The following SRBD1 variants were observed in gnomAD, a reference collection of about 807,000 sequenced individuals.
The protein encoded by SRBD1 is S1 RNA binding domain 1.
Under a neutral mutation model 115.3 loss-of-function variants are expected in SRBD1, and 88 were observed. The observed-to-expected ratio is 0.76, with a 90% CI of 0.64 to 0.91. SRBD1 has a LOEUF of 0.91. SRBD1 is among the 40% of genes least tolerant of loss of function. SRBD1 has a pLI of 0.00. For synonymous variants in SRBD1, 509 were observed against 407.7 expected, an observed-to-expected ratio of 1.25 and a Z score of -2.99; for missense variants, 1,385 against 1,177.4, an observed-to-expected ratio of 1.18 and a Z score of -2.58.
chr2:45,475,225 T>C (rs1165564371), intron 16 of SRBD1, among the ~76,000 whole-genome samples: 1 of 152,170 alleles, frequency 6.6e-6, no homozygotes, highest in East Asian at 1.9e-4. Context: ...CCCTCACTTA[T>C]CACCACACAA....
At chr2:45,602,352 T>G (rs956865275) in intron 2 of SRBD1, among the ~76,000 whole-genome samples, 5 of 152,306 alleles carry the variant, frequency 3.3e-5, no homozygotes, top group Middle Eastern at 3.4e-3. Context: ...ATACACACAT[T>G]CATTCAAGAC....
intron 14 of SRBD1, among the ~76,000 whole-genome samples, chr2:45,504,113 T>C (rs73927512): frequency 0.082 from 12,425 of 152,234 alleles, 723 homozygotes; most frequent in African/African-American, 0.15. Context: ...TTAGTCCTCA[T>C]TGCCTTCTAA....
intron 16 of SRBD1, among the ~76,000 whole-genome samples, chr2:45,425,110 C>A (rs1157813263): frequency 6.6e-6 from 1 of 152,154 alleles, no homozygotes; most frequent in East Asian, 1.9e-4. Context: ...AATCAAGAAT[C>A]AGAAATTTCC....
intron 18 of SRBD1, among the ~76,000 whole-genome samples, chr2:45,416,595 T>C (rs1354461279): frequency 6.6e-6 from 1 of 152,186 alleles, no homozygotes; most frequent in African/African-American, 2.4e-5. Context: ...AAGTTTCAAA[T>C]AGTTGCAGAG....
chr2:45,510,591 G>A (rs1670936556), intron 14 of SRBD1, among the ~76,000 whole-genome samples: 2 of 152,104 alleles, frequency 1.3e-5, no homozygotes, highest in African/African-American at 4.8e-5. Context: ...TGTTTCAAAG[G>A]CATTCCCCAC....
rs575891175 is a variant in SRBD1 at position 45,516,578 on chromosome 2, A to G, written c.1875-28247T>C. Among the ~76,000 whole-genome samples the G allele has an allele frequency of 6.1e-3, 929 of 152,322 alleles. 3 individuals are homozygous for G. Among genetic ancestry groups the G allele is most frequent in the Non-Finnish European group, 0.011 (721 of 68,022 alleles). ...AATAATGATTGTTACCCCTTGAAGGAAGTAGAGATAATTCTCTACATTGCT... is the reference window on the plus strand; with the variant it reads ...AATAATGATTGTTACCCCTTGAAGGGAGTAGAGATAATTCTCTACATTGCT... On this transcript the variant is annotated intron_variant, in intron 14 of 20. Transcript: ENST00000263736.
intron 14 of SRBD1, chr2:45,546,051 C>A: frequency 1.7e-6 from 1 of 589,044 alleles, no homozygotes; most frequent in Non-Finnish European, 2.1e-6. Flanking sequence ...TACTCTCTCT[C>A]CTAGAATTAA....
chr2:45,481,799 T>G (rs1558424042), intron 15 of SRBD1, among the ~76,000 whole-genome samples: 1 of 152,158 alleles, frequency 6.6e-6, no homozygotes, highest in Non-Finnish European at 1.5e-5. Flanking sequence ...GAAGTGCTGA[T>G]ACATGCTACA....
At chr2:45,595,443 C>T (rs1673864662) in intron 4 of SRBD1, among the ~76,000 whole-genome samples, 1 of 152,128 alleles carries the variant, frequency 6.6e-6, no homozygotes, top group South Asian at 2.1e-4. Flanking sequence ...CAGGATTTCC[C>T]CCAAAGAATT....
chr2:45,430,025 C>T (rs1668283714), intron 16 of SRBD1, among the ~76,000 whole-genome samples: 1 of 152,148 alleles, frequency 6.6e-6, no homozygotes, highest in Non-Finnish European at 1.5e-5. Context: ...TATGAGTGAA[C>T]TCCCATTCAC....
At position 45,522,052 on chromosome 2, in the gene SRBD1, G is replaced by A. The variant is rs563916767; in HGVS notation, c.1874+24680C>T. Among the ~76,000 whole-genome samples, 12 of 152,100 alleles carry A rather than the reference G, an allele frequency of 7.9e-5. No individual in the cohort carries two copies. The South Asian group carries it at 2.5e-3, about 32-fold the overall frequency. ...CAGATAATGTATACCAATGTTCATAGCAGCACTATACACAATAGCCAGTAG... is the reference window on the plus strand; with the variant it reads ...CAGATAATGTATACCAATGTTCATAACAGCACTATACACAATAGCCAGTAG... On this transcript the variant is annotated intron_variant, in intron 14 of 20. Coordinates refer to ENST00000263736, the MANE Select transcript of SRBD1 (RefSeq NM_018079.5).
chr2:45,460,961 G>A (rs1669296265), intron 16 of SRBD1, among the ~76,000 whole-genome samples: 3 of 152,192 alleles, frequency 2.0e-5, no homozygotes, highest in Admixed American at 2.0e-4. Context: ...CACCAGGAAT[G>A]ACTGGTCATG....
chr2:45,411,502 T>G (rs1481821394), intron 19 of SRBD1, among the ~76,000 whole-genome samples: 3 of 152,062 alleles, frequency 2.0e-5, no homozygotes, highest in African/African-American at 7.2e-5. Context: ...GGGAGAAAAC[T>G]AACCTTTGGT....
At chr2:45,444,639 C>A (rs1287654480) in intron 16 of SRBD1, among the ~76,000 whole-genome samples, 1 of 152,126 alleles carries the variant, frequency 6.6e-6, no homozygotes. Context: ...AGTTCTTTAT[C>A]CTTCTTCTTT....
chr2:45,483,101 T>A (rs558731121), intron 15 of SRBD1, among the ~76,000 whole-genome samples: 56 of 152,190 alleles, frequency 3.7e-4, no homozygotes, highest in South Asian at 8.3e-4. Flanking sequence ...AATGCAATTT[T>A]AAAAAATTAA....
chr2:45,434,211 C>G (rs906929081), intron 16 of SRBD1, among the ~76,000 whole-genome samples: 2 of 152,206 alleles, frequency 1.3e-5, no homozygotes, highest in Admixed American at 6.5e-5. Flanking sequence ...TTGTTCTGCA[C>G]AAGACAAATG....
chr2:45,599,812 A>G lies in SRBD1; in HGVS notation c.285T>C (p.Asp95=), dbSNP rs962305377. 1.9e-6 allele frequency: 3 copies of G among 1,613,326 alleles called. No homozygotes were observed. Among genetic ancestry groups the G allele is most frequent in the Non-Finnish European group, 2.5e-6 (3 of 1,179,908 alleles). ...EELNSSVAIA[D]TALEDRKNKL... is the part of the protein sequence containing the mutation. The stretch of plus-strand genomic sequence containing the variant: ...TATTTTTTCTGTCTTCTAAAGCAGT[A>G]TCAGCAATAGCCACAGAGCTATTCT... The change falls in exon 4 of 21, where the codon GAT becomes GAC. Residue 95 remains aspartate, a synonymous_variant. Coordinates refer to ENST00000263736, the MANE Select transcript of SRBD1 (RefSeq NM_018079.5).
chr2:45,595,722 T>G (rs1195139483), intron 4 of SRBD1, among the ~76,000 whole-genome samples: 1 of 152,206 alleles, frequency 6.6e-6, no homozygotes, highest in African/African-American at 2.4e-5. Flanking sequence ...GAAATCCACA[T>G]ATACCACAAT....
At chr2:45,500,115 C>T (rs1005684966) in intron 14 of SRBD1, among the ~76,000 whole-genome samples, 3 of 152,096 alleles carry the variant, frequency 2.0e-5, no homozygotes, top group African/African-American at 2.4e-5. Flanking sequence ...TATTAATCCT[C>T]CCAATCTAGG....
Sources: allele counts gnomAD v4.1 joint callset (sites outside exome capture counted in the v4.1 genomes callset), GRCh38; gene constraint gnomAD v4.1.1; transcripts MANE v1.5; gene names NCBI Gene and HGNC (gene_info 2026-07-23, HGNC 2026-07-21).